The following AGBL3 variants were observed in gnomAD, a reference collection of about 807,000 sequenced individuals.
The protein encoded by AGBL3 is AGBL carboxypeptidase 3, also known as cytosolic carboxypeptidase 3.
AGBL3 carries 68 observed loss-of-function variants against 94.5 expected under a neutral mutation model. That is an observed-to-expected ratio of 0.72 (90% CI 0.59 to 0.88). The LOEUF (loss-of-function observed/expected upper bound fraction) is 0.88. Among genes scored for constraint, AGBL3 ranks in the 40% least tolerant of loss-of-function variants. The pLI, the probability that AGBL3 is intolerant of heterozygous loss-of-function variation, is 0.00. For missense variants in AGBL3, 934 were observed against 1,103.8 expected (o/e 0.85, Z 2.18); for synonymous variants, 354 against 370.7 (o/e 0.95, Z 0.52).
At chr7:135,109,337 A>G (rs2117116247) in intron 15 of AGBL3, among the ~76,000 whole-genome samples, 1 of 152,222 alleles carries the variant, frequency 6.6e-6, no homozygotes, top group Non-Finnish European at 1.5e-5. Flanking sequence ...ATGACAACCC[A>G]CCTCTCCCAC....
chr7:135,082,128 T>C (rs778546026), intron 15 of AGBL3, among the ~76,000 whole-genome samples: 7 of 152,160 alleles, frequency 4.6e-5, no homozygotes, highest in Non-Finnish European at 1.0e-4. Context: ...ATTCCATTGC[T>C]AAAGAGCTGT....
chr7:135,061,006 T>C (rs956022464), intron 12 of AGBL3, among the ~76,000 whole-genome samples: 1 of 152,064 alleles, frequency 6.6e-6, no homozygotes, highest in Non-Finnish European at 1.5e-5. Context: ...CTAATTTATA[T>C]TCCCACCAAC....
intron 3 of AGBL3, among the ~76,000 whole-genome samples, chr7:134,991,996 T>A (rs942588164): frequency 6.6e-6 from 1 of 152,244 alleles, no homozygotes; most frequent in Non-Finnish European, 1.5e-5. Flanking sequence ...ACTTTTCAAA[T>A]TCTTCAGATA....
intron 11 of AGBL3, among the ~76,000 whole-genome samples, chr7:135,055,497 C>T (rs1818262763): frequency 6.7e-6 from 1 of 149,738 alleles, no homozygotes; most frequent in Non-Finnish European, 1.5e-5. Flanking sequence ...TTGTCAAATG[C>T]TTTATGTCAA....
At chr7:135,041,728 T>C (rs1816878911) in intron 8 of AGBL3, among the ~76,000 whole-genome samples, 1 of 152,148 alleles carries the variant, frequency 6.6e-6, no homozygotes. Context: ...ATCCTTTTGC[T>C]CTCTTAAAGA....
chr7:135,115,313 T>A (rs1343697196), intron 15 of AGBL3, 67 bp from the exon 16 acceptor site: 1 of 1,057,190 alleles, frequency 9.5e-7, no homozygotes, highest in Non-Finnish European at 1.4e-6. Context: ...TGGCATATAA[T>A]AATGCCCAAT....
At chr7:135,070,954 C>T (rs952997856) in intron 12 of AGBL3, among the ~76,000 whole-genome samples, 2 of 151,948 alleles carry the variant, frequency 1.3e-5, no homozygotes, top group Admixed American at 6.6e-5. Flanking sequence ...TTGCAGATGA[C>T]ATGATTGTAT....
In AGBL3 at chr7:135,134,918, T is replaced by A. The variant is rs1471579496; in HGVS notation, c.2420T>A (p.Ile807Asn). The change falls in exon 17 of 17, where the codon ATC becomes AAC. Residue 807 changes from isoleucine to asparagine, a missense_variant. Ile to Asn is a moderately radical substitution (Grantham distance 149). Coordinates refer to ENST00000436302, the MANE Select transcript of AGBL3 (RefSeq NM_178563.4). ...GCACCCAGAAATCACCCTTTTGTAATCCAAGGGGATGTTATGGCAAACTCT... is the reference window on the plus strand; with the variant it reads ...GCACCCAGAAATCACCCTTTTGTAAACCAAGGGGATGTTATGGCAAACTCT... Reference protein sequence around the residue: ...WTAPRNHPFVIQGDVMANSSE... With the variant: ...WTAPRNHPFVNQGDVMANSSE... The A allele has an allele frequency of 1.0e-5, 16 of 1,551,074 alleles. No individual in the cohort carries two copies. The highest frequency in any genetic ancestry group is 3.9e-5 in the Admixed American group (2 of 50,950).
intron 16 of AGBL3, among the ~76,000 whole-genome samples, chr7:135,130,162 C>T (rs1165776339): frequency 6.6e-6 from 1 of 152,166 alleles, no homozygotes; most frequent in African/African-American, 2.4e-5. Context: ...CTCATTTACT[C>T]CATGTTAATC....
chr7:135,016,644 A>C (rs1454794327), intron 4 of AGBL3, among the ~76,000 whole-genome samples: 2 of 152,166 alleles, frequency 1.3e-5, no homozygotes, highest in Non-Finnish European at 2.9e-5. Flanking sequence ...GATAAACCTG[A>C]ACATGTTTAT....
At chr7:135,071,056 T>A (rs1819860385) in intron 12 of AGBL3, among the ~76,000 whole-genome samples, 2 of 151,924 alleles carry the variant, frequency 1.3e-5, no homozygotes. Context: ...ATGTGAAAAA[T>A]TCACAAGCAT....
chr7:135,081,922 C>T (rs1820954089), intron 15 of AGBL3, 132 bp downstream of exon 15: 1 of 567,688 alleles, frequency 1.8e-6, no homozygotes, highest in Non-Finnish European at 2.9e-6. Flanking sequence ...TTTAATTTTA[C>T]CCAGTCAAAA....
chr7:134,998,196 T>C (rs1031582752), intron 4 of AGBL3, among the ~76,000 whole-genome samples: 1 of 152,212 alleles, frequency 6.6e-6, no homozygotes, highest in Non-Finnish European at 1.5e-5. Flanking sequence ...ACCTCTGTCA[T>C]TAACAATTAA....
chr7:135,112,263 G>A (rs185371989), intron 15 of AGBL3, among the ~76,000 whole-genome samples: 1 of 152,128 alleles, frequency 6.6e-6, no homozygotes, highest in East Asian at 1.9e-4. Context: ...GTTTTCCTGG[G>A]TCCCAGTGTG....
intron 16 of AGBL3, among the ~76,000 whole-genome samples, chr7:135,132,953 TA>T (rs1355451758): frequency 6.6e-6 from 1 of 151,942 alleles, no homozygotes; most frequent in Non-Finnish European, 1.5e-5. Flanking sequence ...AATAAAAAAA[TA>T]AAAAGCATAC....
chr7:135,045,795 C>G lies in AGBL3; in HGVS notation c.1729-4C>G, dbSNP rs1326478528. The G allele has an allele frequency of 6.5e-7, 1 of 1,533,160 alleles. No individual in the cohort carries two copies. 95.0% of individuals were successfully genotyped at this position (1,533,160 alleles called of 1,614,324 possible). On this transcript the variant is annotated splice_region_variant and splice_polypyrimidine_tract_variant and intron_variant, in intron 10 of 16. Transcript: ENST00000436302. ...TAATGAGCTCATTTATTACTTTTGC[C>G]TAGTATTATCGGTGCCTGAAAGAAT...
chr7:135,086,272 A>C (rs1201392058), intron 15 of AGBL3, among the ~76,000 whole-genome samples: 3 of 152,070 alleles, frequency 2.0e-5, no homozygotes, highest in Non-Finnish European at 1.5e-5. Flanking sequence ...ATCTGCAAAC[A>C]GGGACAATTT....
chr7:135,048,093 A>G (rs946288266), intron 11 of AGBL3, among the ~76,000 whole-genome samples: 2 of 151,834 alleles, frequency 1.3e-5, no homozygotes, highest in African/African-American at 4.8e-5. Context: ...TCCCACCATT[A>G]TTTGTTGAAG....
At chr7:135,042,993 C>T (rs918101923) in intron 8 of AGBL3, among the ~76,000 whole-genome samples, 8 of 152,124 alleles carry the variant, frequency 5.3e-5, no homozygotes, top group Non-Finnish European at 7.4e-5. Flanking sequence ...AAAATTGCAC[C>T]TCAAAAAATT....
Sources: gnomAD v4.1 joint callset for allele counts (sites outside exome capture counted in the v4.1 genomes callset) on GRCh38, gnomAD v4.1.1 for gene constraint, MANE v1.5 for transcripts, NCBI Gene and HGNC (gene_info 2026-07-23, HGNC 2026-07-21) for gene names.